The following IL1RAPL2 variants were observed in gnomAD, a reference collection of about 807,000 sequenced individuals.
IL1RAPL2 encodes the protein interleukin 1 receptor accessory protein like 2.
Under a neutral mutation model 44.1 loss-of-function variants are expected in IL1RAPL2, and 3 were observed. That is an observed-to-expected ratio of 0.07 (90% confidence interval 0.03 to 0.18). IL1RAPL2 has a LOEUF of 0.18. IL1RAPL2 is among the 10% of genes least tolerant of loss of function. IL1RAPL2 has a pLI of 1.00. For synonymous variants in IL1RAPL2, 181 were observed against 178.8 expected (o/e 1.01, Z -0.10); for missense variants, 391 against 496.4 (o/e 0.79, Z 2.02).
intron 4 of IL1RAPL2, among the ~76,000 whole-genome samples, chrX:105,264,421 A>C (rs187294028): frequency 2.6e-4 from 29 of 111,507 alleles, no homozygotes; most frequent in Admixed American, 1.3e-3. Context: ...CTGTCTGTTC[A>C]TTAGGAAGTT....
intron 2 of IL1RAPL2, among the ~76,000 whole-genome samples, chrX:104,709,937 G>A (rs1931428783): frequency 9.0e-6 from 1 of 110,652 alleles, no homozygotes; most frequent in African/African-American, 3.3e-5. Context: ...AAAAAGCAGT[G>A]AGGTACCATT....
intron 2 of IL1RAPL2, among the ~76,000 whole-genome samples, chrX:104,991,602 C>T (rs942153546): frequency 1.8e-5 from 2 of 111,606 alleles, no homozygotes; most frequent in Non-Finnish European, 3.8e-5. Context: ...CTATTAGGAA[C>T]TCAAAAAATG....
chrX:105,748,396 A>G (rs2038568467), intron 8 of IL1RAPL2, among the ~76,000 whole-genome samples: 1 of 112,099 alleles, frequency 8.9e-6, no homozygotes, highest in Non-Finnish European at 1.9e-5. Flanking sequence ...TCAAATAAGT[A>G]GGGGAAATGG....
chrX:105,201,264 C>T (rs1404792148), intron 3 of IL1RAPL2, among the ~76,000 whole-genome samples: 2 of 111,628 alleles, frequency 1.8e-5, no homozygotes, highest in East Asian at 5.6e-4. Context: ...ATTATTACTC[C>T]AGCAAAACAG....
intron 2 of IL1RAPL2, among the ~76,000 whole-genome samples, chrX:105,180,997 A>G (rs1187055650): frequency 9.0e-6 from 1 of 111,589 alleles, no homozygotes; most frequent in Non-Finnish European, 1.9e-5. Context: ...TTTATTAATG[A>G]TGCAATTGTG....
At position 104,658,876 on chromosome X, in the gene IL1RAPL2, C is replaced by T; in HGVS notation, c.-19-19C>T. 1 of 1,069,148 alleles carries T rather than the reference C, an allele frequency of 9.4e-7. No individual in the cohort carries two copies. The highest frequency in any genetic ancestry group is 1.9e-5 in the South Asian group (1 of 51,666). The allele number at this position is 1,069,148 out of a possible 1,213,427, so 88.1% of individuals were successfully genotyped here. ...AGATCTGTGGTTCAAACTTTATATC[C>T]TTTTTTTTGACTTTTCAGCTGTCAA... On this transcript the variant is annotated intron_variant, in intron 1 of 10. Transcript: ENST00000372582.
intron 4 of IL1RAPL2, among the ~76,000 whole-genome samples, chrX:105,250,397 A>C (rs778199432): frequency 1.8e-5 from 2 of 111,247 alleles, no homozygotes; most frequent in African/African-American, 3.3e-5. Context: ...CTTTAATAAC[A>C]ATCTATAAAT....
intron 2 of IL1RAPL2, among the ~76,000 whole-genome samples, chrX:105,041,137 C>G (rs1167918129): frequency 9.5e-4 from 103 of 108,908 alleles, no homozygotes; most frequent in South Asian, 2.8e-3. Flanking sequence ...TCGTTATGTA[C>G]CCAGTAGTCA....
At chrX:105,702,693 A>G (rs1313759741) in intron 6 of IL1RAPL2, among the ~76,000 whole-genome samples, 1 of 111,889 alleles carries the variant, frequency 8.9e-6, no homozygotes, top group Non-Finnish European at 1.9e-5. Flanking sequence ...ATATTTAGTA[A>G]ATGGTGGAGT....
chrX:104,643,852 A>G (rs923039326), intron 1 of IL1RAPL2, among the ~76,000 whole-genome samples: 1 of 111,808 alleles, frequency 8.9e-6, no homozygotes, highest in Non-Finnish European at 1.9e-5. Context: ...CCTCCAATTG[A>G]TTCCTTGCTG....
intron 5 of IL1RAPL2, among the ~76,000 whole-genome samples, chrX:105,382,555 A>C (rs1311604256): frequency 9.6e-6 from 1 of 103,881 alleles, no homozygotes; most frequent in East Asian, 3.0e-4. Flanking sequence ...TGTGGAAGTC[A>C]GTGTGGCGAT....
At position 105,469,337 on chromosome X, in the gene IL1RAPL2, C is replaced by G. The variant is rs1424036849; in HGVS notation, c.698-14976C>G. 7.2e-5 allele frequency among the ~76,000 whole-genome samples: 8 copies of G among 110,395 alleles called. No individual in the cohort carries two copies. The East Asian group carries it at 2.0e-3, about 28-fold the overall frequency. ...TAGAAGGGAAGGGGGTGAAAGAGAT[C>G]AAGAAATCTGTCTGCAAATGTTTTA... On this transcript the variant is annotated intron_variant, in intron 5 of 10. Transcript: ENST00000372582.
intron 5 of IL1RAPL2, among the ~76,000 whole-genome samples, chrX:105,383,814 A>T (rs1221034833): frequency 8.9e-6 from 1 of 111,925 alleles, no homozygotes; most frequent in Non-Finnish European, 1.9e-5. Flanking sequence ...CTGCAGTGAG[A>T]TCATATCTCA....
At chrX:105,535,403 C>A (rs1444543822) in intron 6 of IL1RAPL2, among the ~76,000 whole-genome samples, 1 of 111,691 alleles carries the variant, frequency 9.0e-6, no homozygotes, top group East Asian at 2.8e-4. Flanking sequence ...TTGGCAGATT[C>A]TCTTAAAGTT....
intron 6 of IL1RAPL2, among the ~76,000 whole-genome samples, chrX:105,526,216 G>T (rs1406917289): frequency 4.0e-5 from 4 of 99,711 alleles, no homozygotes; most frequent in African/African-American, 2.1e-4. Flanking sequence ...CATAGTTTTA[G>T]AAAATGTTTA....
At chrX:105,506,729 G>C (rs1176781495) in intron 6 of IL1RAPL2, among the ~76,000 whole-genome samples, 1 of 111,884 alleles carries the variant, frequency 8.9e-6, no homozygotes, top group African/African-American at 3.2e-5. Context: ...AGGAGACGGA[G>C]ATTATAAGTC....
At chrX:105,388,801 C>T (rs967547146) in intron 5 of IL1RAPL2, among the ~76,000 whole-genome samples, 1 of 111,138 alleles carries the variant, frequency 9.0e-6, no homozygotes, top group Non-Finnish European at 1.9e-5. Context: ...TATAATACAA[C>T]CTGATAGCAT....
intron 2 of IL1RAPL2, among the ~76,000 whole-genome samples, chrX:104,858,482 T>C (rs2147646024): frequency 8.9e-6 from 1 of 111,829 alleles, no homozygotes; most frequent in Non-Finnish European, 1.9e-5. Context: ...ACAAACAAAC[T>C]TGTAAACAAA....
intron 2 of IL1RAPL2, among the ~76,000 whole-genome samples, chrX:105,060,586 T>TTTTTTTTTTTTTTTTC (rs2032061294): frequency 1.3e-5 from 1 of 75,053 alleles, no homozygotes; most frequent in African/African-American, 8.7e-5. Flanking sequence ...TTTCTTTTTC[T>TTTTTTTTTTTTTTTTC]TTTTTTTTTT....
Sources: allele counts gnomAD v4.1 joint callset (sites outside exome capture counted in the v4.1 genomes callset), GRCh38; gene constraint gnomAD v4.1.1; transcripts MANE v1.5; gene names NCBI Gene and HGNC (gene_info 2026-07-23, HGNC 2026-07-21).